The following KCND3 variants were observed in gnomAD, a reference collection of about 807,000 sequenced individuals.
KCND3 encodes the protein A-type voltage-gated potassium channel KCND3.
In KCND3, 9 loss-of-function variants were observed where a neutral mutation model predicts 51.1. The observed-to-expected ratio is 0.18, with a 90% CI of 0.11 to 0.31. The LOEUF is 0.31. Among genes scored for constraint, KCND3 ranks in the 10% least tolerant of loss-of-function variants. The probability of loss-of-function intolerance (pLI) is 1.00; values close to 1 mark genes in which losing one functional copy is unlikely to be tolerated. For missense variants in KCND3, 526 were observed against 903.8 expected, an observed-to-expected ratio of 0.58 and a Z score of 5.36; for synonymous variants, 349 against 368.0, an observed-to-expected ratio of 0.95 and a Z score of 0.59.
rs868367863 is a variant in KCND3, at chr1:111,958,034, G to A, written c.1106+23587C>T. Among the ~76,000 whole-genome samples, 3 of 152,300 alleles carry A rather than the reference G, an allele frequency of 2.0e-5. No homozygotes were observed. The South Asian group carries it at 6.2e-4, about 32-fold the overall frequency. Reference sequence around the variant, plus strand: ...TCTCCACTGTCCTGCAACTCAGGGTGTAGCAGGAATCACTAGTACTTTTCC... The same window carrying A: ...TCTCCACTGTCCTGCAACTCAGGGTATAGCAGGAATCACTAGTACTTTTCC... On this transcript the variant is annotated intron_variant, in intron 2 of 7. Transcript: ENST00000302127.
At chr1:111,866,581 C>CACACAT (rs1442031613) in intron 2 of KCND3, among the ~76,000 whole-genome samples, 2 of 140,162 alleles carry the variant, frequency 1.4e-5, no homozygotes, top group South Asian at 2.3e-4. Flanking sequence ...TTTCTTTAAA[C>CACACAT]ACACACACAC....
chr1:111,894,413 C>A (rs954917799), intron 2 of KCND3, among the ~76,000 whole-genome samples: 17 of 152,196 alleles, frequency 1.1e-4, no homozygotes, highest in Admixed American at 1.1e-3. Context: ...CTTTCTCTCC[C>A]ACCCTACCCT....
At chr1:111,978,133 C>T (rs998604263) in intron 2 of KCND3, among the ~76,000 whole-genome samples, 7 of 152,156 alleles carry the variant, frequency 4.6e-5, no homozygotes, top group South Asian at 2.1e-4. Flanking sequence ...ATTAACTAAA[C>T]GGTAATAATT....
At chr1:111,860,102 A>G (rs988124238) in intron 2 of KCND3, among the ~76,000 whole-genome samples, 1 of 152,252 alleles carries the variant, frequency 6.6e-6, no homozygotes, top group Non-Finnish European at 1.5e-5. Context: ...CGTCTTAGAT[A>G]CTACCAACAA....
intron 2 of KCND3, among the ~76,000 whole-genome samples, chr1:111,831,814 CA>C (rs1666846375): frequency 6.6e-6 from 1 of 152,178 alleles, no homozygotes; most frequent in South Asian, 2.1e-4. Context: ...TTACAGGATT[CA>C]GAGATACATA....
chr1:111,919,466 C>T (rs1346747003), intron 2 of KCND3, among the ~76,000 whole-genome samples: 1 of 151,994 alleles, frequency 6.6e-6, no homozygotes, highest in African/African-American at 2.4e-5. Flanking sequence ...GCTGGTGCCA[C>T]AGTCCTGAGG....
chr1:111,958,632 G>A (rs951509286), intron 2 of KCND3, among the ~76,000 whole-genome samples: 2 of 152,304 alleles, frequency 1.3e-5, no homozygotes, highest in African/African-American at 4.8e-5. Context: ...CTCCAGGATT[G>A]TGCTGCTTCG....
At chr1:111,822,934 T>C (rs1370717661) in intron 2 of KCND3, among the ~76,000 whole-genome samples, 2 of 152,226 alleles carry the variant, frequency 1.3e-5, no homozygotes, top group African/African-American at 4.8e-5. Context: ...AACAAGACTA[T>C]GAACAAGATA....
intron 2 of KCND3, among the ~76,000 whole-genome samples, chr1:111,833,101 G>T (rs1256938787): frequency 6.6e-6 from 1 of 152,246 alleles, no homozygotes; most frequent in African/African-American, 2.4e-5. Context: ...AGATTGAGAA[G>T]AACTGGAGGC....
At chr1:111,790,705 G>T (rs1295914956) in intron 2 of KCND3, among the ~76,000 whole-genome samples, 1 of 152,152 alleles carries the variant, frequency 6.6e-6, no homozygotes, top group East Asian at 1.9e-4. Context: ...AAAGAAATGT[G>T]TACCCATTAG....
intron 2 of KCND3, among the ~76,000 whole-genome samples, chr1:111,915,859 G>A (rs1671189572): frequency 6.7e-6 from 1 of 150,282 alleles, no homozygotes; most frequent in African/African-American, 2.4e-5. Context: ...ATGATAAAGG[G>A]ATAAATTAAA....
intron 2 of KCND3, among the ~76,000 whole-genome samples, chr1:111,826,000 CAAA>C (rs1298481652): frequency 1.3e-5 from 2 of 152,178 alleles, no homozygotes; most frequent in African/African-American, 4.8e-5. Flanking sequence ...AAATCAAAAT[CAAA>C]GTCTTTGCTA....
chr1:111,824,555 G>A (rs898721581), intron 2 of KCND3, among the ~76,000 whole-genome samples: 7 of 152,124 alleles, frequency 4.6e-5, no homozygotes, highest in Admixed American at 2.0e-4. Flanking sequence ...TGTTGAAACC[G>A]GCCCAACTGT....
intron 2 of KCND3, among the ~76,000 whole-genome samples, chr1:111,863,796 G>C (rs118142629): frequency 6.6e-6 from 1 of 152,336 alleles, no homozygotes; most frequent in East Asian, 1.9e-4. Flanking sequence ...GGACTAGAAG[G>C]TGAATGCAGC....
At chr1:111,855,685 C>T (rs1668034026) in intron 2 of KCND3, among the ~76,000 whole-genome samples, 1 of 152,142 alleles carries the variant, frequency 6.6e-6, no homozygotes, top group African/African-American at 2.4e-5. Context: ...TAGACCTTTT[C>T]CATAACCCCC....
intron 2 of KCND3, among the ~76,000 whole-genome samples, chr1:111,977,687 C>T (rs1181708515): frequency 6.6e-6 from 1 of 152,186 alleles, no homozygotes; most frequent in African/African-American, 2.4e-5. Context: ...GCTTGCAAGG[C>T]TTTACTCTCA....
chr1:111,863,715 G>A (rs1221968695), intron 2 of KCND3, among the ~76,000 whole-genome samples: 1 of 152,154 alleles, frequency 6.6e-6, no homozygotes, highest in Non-Finnish European at 1.5e-5. Context: ...ACAATGGGGA[G>A]GCACTTAAAG....
chr1:111,775,827 A>AGCCCC lies in KCND3; in HGVS notation c.*249_*250insGGGGC. 1 of 75,850 alleles carries AGCCCC rather than the reference A, an allele frequency of 1.3e-5. No homozygotes were observed. The highest frequency in any genetic ancestry group is 9.5e-5 in the South Asian group (1 of 10,570). The allele number at this position is 75,850 out of a possible 1,614,324, so 4.7% of individuals were successfully genotyped here. On this transcript the variant is annotated 3_prime_UTR_variant, in exon 8 of 8. Coordinates refer to ENST00000302127, the MANE Select transcript of KCND3 (RefSeq NM_001378969.1). Reference sequence around the variant, plus strand: ...CCCCCGGCCTATCCCCGACCCCCCCACCCTCCCTCCCTTCCTCTGGCCCCA... The same window carrying AGCCCC: ...CCCCCGGCCTATCCCCGACCCCCCCAGCCCCCCCTCCCTCCCTTCCTCTGGCCCCA...
intron 1 of KCND3, chr1:111,989,260 C>G (rs1003847448): frequency 2.0e-5 from 3 of 152,382 alleles, no homozygotes; most frequent in Admixed American, 1.3e-4. Context: ...GTTCACACCC[C>G]ACCCCCGAAC....
Sources: allele counts gnomAD v4.1 joint callset (sites outside exome capture counted in the v4.1 genomes callset), GRCh38; gene constraint gnomAD v4.1.1; transcripts MANE v1.5; gene names NCBI Gene and HGNC (gene_info 2026-07-23, HGNC 2026-07-21).